The following UMAD1 variants were observed in gnomAD, a reference collection of about 807,000 sequenced individuals.
UMAD1 encodes UBAP1-MVB12-associated (UMA)-domain containing protein 1.
Under a neutral mutation model 6.1 loss-of-function variants are expected in UMAD1, and 8 were observed. That is an observed-to-expected ratio of 1.30 (90% confidence interval 0.76 to 2.35). The LOEUF (loss-of-function observed/expected upper bound fraction) is 2.35. Ranked by LOEUF, UMAD1 falls within the 30% of genes most tolerant of loss-of-function variation. UMAD1 has a pLI of 0.00. For missense variants in UMAD1, 130 were observed against 78.4 expected (o/e 1.66, Z -2.49); for synonymous variants, 56 against 31.4 (o/e 1.78, Z -2.61).
At chr7:7,804,935 CA>C (rs1411262866) in intron 3 of UMAD1, among the ~76,000 whole-genome samples, 2 of 151,714 alleles carry the variant, frequency 1.3e-5, no homozygotes, top group Admixed American at 6.6e-5. Context: ...GAGCCGAGAT[CA>C]CACCACTGCA....
chr7:7,851,868 G>A (rs1783923859), intron 3 of UMAD1, among the ~76,000 whole-genome samples: 1 of 152,014 alleles, frequency 6.6e-6, no homozygotes, highest in South Asian at 2.1e-4. Flanking sequence ...TTGAAGCATA[G>A]AAGTTTATAT....
At chr7:7,714,853 C>CTTTT (rs1029148023) in intron 2 of UMAD1, among the ~76,000 whole-genome samples, 2 of 111,166 alleles carry the variant, frequency 1.8e-5, no homozygotes, top group African/African-American at 3.3e-5. Flanking sequence ...AAAAATTTTT[C>CTTTT]TTTTTTTTTT....
At chr7:7,658,304 C>A (rs946291981) in intron 1 of UMAD1, among the ~76,000 whole-genome samples, 2 of 152,322 alleles carry the variant, frequency 1.3e-5, no homozygotes, top group Admixed American at 1.3e-4. Context: ...CCCCTTATTT[C>A]TTTCTCTTGC....
At chr7:7,726,977 AGCGGGAAACTACAACAGCCCAC>A (rs1463940475) in intron 2 of UMAD1, among the ~76,000 whole-genome samples, 1 of 152,232 alleles carries the variant, frequency 6.6e-6, no homozygotes, top group Non-Finnish European at 1.5e-5. Context: ...GGTTCAGGTC[AGCGGGAAACTACAACAGCCCAC>A]TCCAGGCAGG....
chr7:7,684,201 A>G (rs545810070), intron 2 of UMAD1, among the ~76,000 whole-genome samples: 1 of 151,868 alleles, frequency 6.6e-6, no homozygotes, highest in Non-Finnish European at 1.5e-5. Context: ...TTTAGCACAG[A>G]TGCAATTTTT....
intron 3 of UMAD1, among the ~76,000 whole-genome samples, chr7:7,832,101 G>A (rs1783478800): frequency 6.6e-6 from 1 of 152,204 alleles, no homozygotes; most frequent in Non-Finnish European, 1.5e-5. Flanking sequence ...TTTGTGCTAA[G>A]CATATTTTGG....
At chr7:7,769,723 G>A (rs1452568840) in intron 2 of UMAD1, among the ~76,000 whole-genome samples, 1 of 152,208 alleles carries the variant, frequency 6.6e-6, no homozygotes, top group Non-Finnish European at 1.5e-5. Flanking sequence ...AGTCCTGATA[G>A]TGTGGCATGT....
At chr7:7,793,019 G>A (rs185834820) in intron 2 of UMAD1, among the ~76,000 whole-genome samples, 45 of 152,184 alleles carry the variant, frequency 3.0e-4, no homozygotes, top group Middle Eastern at 3.4e-3. Context: ...TTCAATATAC[G>A]AATTTTGCAG....
intron 3 of UMAD1, among the ~76,000 whole-genome samples, chr7:7,829,289 G>T (rs1040293657): frequency 6.6e-6 from 1 of 152,208 alleles, no homozygotes; most frequent in Non-Finnish European, 1.5e-5. Context: ...GCACTGAACA[G>T]CTAGTCCAGT....
chr7:7,838,286 T>C (rs551915837), intron 3 of UMAD1, among the ~76,000 whole-genome samples: 1 of 152,212 alleles, frequency 6.6e-6, no homozygotes, highest in Admixed American at 6.5e-5. Flanking sequence ...GTCCACAGGG[T>C]ATAGTTTGTT....
chr7:7,775,519 A>G (rs1322523504), intron 2 of UMAD1, among the ~76,000 whole-genome samples: 1 of 152,174 alleles, frequency 6.6e-6, no homozygotes, highest in African/African-American at 2.4e-5. Flanking sequence ...AGCCCTCCCC[A>G]GCCATGCAGA....
chr7:7,779,519 C>T (rs1782301539), intron 2 of UMAD1, among the ~76,000 whole-genome samples: 3 of 152,198 alleles, frequency 2.0e-5, no homozygotes, highest in African/African-American at 7.2e-5. Context: ...GATCCTCCCA[C>T]TTTGTTTTCC....
At chr7:7,774,163 ACT>A (rs1182982572) in intron 2 of UMAD1, among the ~76,000 whole-genome samples, 1 of 152,106 alleles carries the variant, frequency 6.6e-6, no homozygotes, top group East Asian at 1.9e-4. Context: ...CTTAGATGCT[ACT>A]CTGACTTCTC....
rs1035762591 is a variant in UMAD1, at chr7:7,673,511, C to T, written c.82+58C>T. 3 of 673,368 alleles carry T rather than the reference C, an allele frequency of 4.5e-6. No homozygotes were observed. The African/African-American group carries it at 5.4e-5, about 12-fold the overall frequency. 41.7% of individuals were successfully genotyped at this position (673,368 alleles called of 1,614,324 possible). A position where few individuals can be genotyped will look rare whatever the true frequency, so the allele number is the denominator to read the frequency against. On this transcript the variant is annotated intron_variant, in intron 2 of 3. Transcript: ENST00000682710. The stretch of plus-strand genomic sequence containing the variant: ...GAATTATGTTCTCTTTAAAAAATTA[C>T]TTGAAAATTATATGATTGATTTTAA...
intron 2 of UMAD1, among the ~76,000 whole-genome samples, chr7:7,706,880 A>G (rs1780615530): frequency 6.6e-6 from 1 of 152,196 alleles, no homozygotes; most frequent in Non-Finnish European, 1.5e-5. Flanking sequence ...AATAAAATCC[A>G]TTGCAGCACA....
intron 3 of UMAD1, among the ~76,000 whole-genome samples, chr7:7,854,355 C>CAA (rs34829393): frequency 0.3 from 14,610 of 48,724 alleles, 2,820 homozygotes; most frequent in Non-Finnish European, 0.36. Context: ...AGCTCCATCT[C>CAA]AAAAAAAAAA....
At chr7:7,854,677 A>G (rs1327426250) in intron 3 of UMAD1, among the ~76,000 whole-genome samples, 4 of 152,114 alleles carry the variant, frequency 2.6e-5, no homozygotes, top group Non-Finnish European at 4.4e-5. Context: ...GAGCCAAACC[A>G]TACCATCCCA....
rs572585982 is a variant in UMAD1, at chr7:7,792,669, C to T, written c.83-9001C>T. Among the ~76,000 whole-genome samples the T allele has an allele frequency of 1.1e-4, 16 of 152,270 alleles. No homozygotes were observed. In the South Asian group the frequency reaches 1.4e-3, roughly 14 times the overall value. ...AGAGCATTTAATAAGATTACATGTA[C>T]GGGCCTTCCCCTCCCATCCTCTCTG... On this transcript the variant is annotated intron_variant, in intron 2 of 3. Coordinates refer to ENST00000682710, the MANE Select transcript of UMAD1 (RefSeq NM_001302348.2).
At chr7:7,754,241 C>T (rs1781733915) in intron 2 of UMAD1, among the ~76,000 whole-genome samples, 1 of 151,930 alleles carries the variant, frequency 6.6e-6, no homozygotes, top group South Asian at 2.1e-4. Context: ...CAGGGGTTCC[C>T]TTTTCTCCAC....
Sources: allele counts gnomAD v4.1 joint callset (sites outside exome capture counted in the v4.1 genomes callset), GRCh38; gene constraint gnomAD v4.1.1; transcripts MANE v1.5; gene names NCBI Gene and HGNC (gene_info 2026-07-23, HGNC 2026-07-21).